TBC1D13: variants seen among roughly 807,000 people sequenced by gnomAD.
TBC1D13 encodes epididymis secretory sperm binding protein.
Under a neutral mutation model 53.6 loss-of-function variants are expected in TBC1D13, and 40 were observed. That is an observed-to-expected ratio of 0.75 (90% CI 0.58 to 0.97). The LOEUF (loss-of-function observed/expected upper bound fraction) is 0.97. TBC1D13 is among the 50% of genes least tolerant of loss of function. The pLI is 0.00. For missense variants in TBC1D13, 377 were observed against 499.4 expected (o/e 0.75, Z 2.34); for synonymous variants, 182 against 197.7 (o/e 0.92, Z 0.67).
At position 128,787,274 on chromosome 9, in the gene TBC1D13, G is replaced by C. The variant is rs371348955; in HGVS notation, c.-80G>C. ...TTTTGCGCAGAGCCCCGCGTCCCTG[G>C]GGGGCGGCGGCGGCGGCGGCAGCGC... On this transcript the variant is annotated 5_prime_UTR_variant, in exon 1 of 12. Transcript: ENST00000372648. 1.4e-5 allele frequency: 17 copies of C among 1,240,722 alleles called. No homozygotes were observed. In the African/African-American group the frequency reaches 1.4e-4, roughly 10 times the overall value. 76.9% of individuals were successfully genotyped at this position (1,240,722 alleles called of 1,614,324 possible). A position where few individuals can be genotyped will look rare whatever the true frequency, so the allele number is the denominator to read the frequency against.
At chr9:128,792,018 C>G (rs1308375146) in intron 5 of TBC1D13, among the ~76,000 whole-genome samples, 2 of 152,184 alleles carry the variant, frequency 1.3e-5, no homozygotes, top group South Asian at 4.1e-4. Flanking sequence ...GCCAGGAAGC[C>G]TTGTTCTCCT....
Position 128,797,648 on chromosome 9 carries a change from C to A in TBC1D13, c.543+434C>A, listed in dbSNP as rs528946501. ...TGAAACCCTGTCTTTACAAAAAATA[C>A]AAAAATTAGCTGGGCATGATGGCAT... is the stretch of plus-strand genomic sequence containing the variant. On this transcript the variant is annotated intron_variant, in intron 7 of 11. Coordinates refer to ENST00000372648, the MANE Select transcript of TBC1D13 (RefSeq NM_018201.5). Among the ~76,000 whole-genome samples the A allele has an allele frequency of 2.3e-3, 349 of 151,936 alleles. 3 individuals carry two copies. Among genetic ancestry groups the A allele is most frequent in the Non-Finnish European group, 2.1e-4 (14 of 67,968 alleles).
At chr9:128,805,505 G>GT (rs1829814817) in intron 9 of TBC1D13, among the ~76,000 whole-genome samples, 1 of 152,226 alleles carries the variant, frequency 6.6e-6, no homozygotes, top group Non-Finnish European at 1.5e-5. Context: ...CAGGCTTTTA[G>GT]TAAGTGCCCT....
rs1829532421 is a variant in TBC1D13, at chr9:128,791,524, G to A, written c.201-70G>A. The stretch of plus-strand genomic sequence containing the variant: ...CCGCTGGGGCCGCCCTGCCTCCTGC[G>A]GCTGCTGCTCTGCTCTGGGCTCCCT... On this transcript the variant is annotated intron_variant, in intron 4 of 11. Transcript: ENST00000372648. 1.1e-5 allele frequency: 17 copies of A among 1,608,946 alleles called. 1 individual carries two copies. Among genetic ancestry groups the A allele is most frequent in the East Asian group, 4.5e-5 (2 of 44,852 alleles).
At position 128,788,320 on chromosome 9, in the gene TBC1D13, A is replaced by G. The variant is rs541709488; in HGVS notation, c.24-14A>G. The G allele has an allele frequency of 1.5e-5, 24 of 1,613,660 alleles. No homozygotes were observed. The highest frequency in any genetic ancestry group is 4.0e-5 in the African/African-American group (3 of 74,888). ...ATCAGCATGCTTCATTTGCCGCCCTATCTCCCCTTCCAGAATTGCAGATTT... is the reference window on the plus strand; with the variant it reads ...ATCAGCATGCTTCATTTGCCGCCCTGTCTCCCCTTCCAGAATTGCAGATTT... On this transcript the variant is annotated splice_polypyrimidine_tract_variant and intron_variant, in intron 1 of 11. Coordinates refer to ENST00000372648, the MANE Select transcript of TBC1D13 (RefSeq NM_018201.5).
chr9:128,800,888 G>A (rs1829720996), intron 7 of TBC1D13, among the ~76,000 whole-genome samples: 1 of 152,120 alleles, frequency 6.6e-6, no homozygotes, highest in Non-Finnish European at 1.5e-5. Flanking sequence ...TCAGCCAAGT[G>A]CGGTGGCTCA....
chr9:128,787,394 C>T lies in TBC1D13; in HGVS notation c.23+18C>T, dbSNP rs1829440309. 1 of 1,257,316 alleles carries T rather than the reference C, an allele frequency of 8.0e-7. No individual in the cohort carries two copies. Among genetic ancestry groups the T allele is most frequent in the Non-Finnish European group, 1.0e-6 (1 of 993,070 alleles). The allele number at this position is 1,257,316 out of a possible 1,614,324, so 77.9% of individuals were successfully genotyped here. ...AAGAGCCGGTAAGGGGCCATGGGGC[C>T]TGACCCGGCTGGGCCACTCCTGGCC... On this transcript the variant is annotated intron_variant, in intron 1 of 11. Coordinates refer to ENST00000372648, the MANE Select transcript of TBC1D13 (RefSeq NM_018201.5).
intron 7 of TBC1D13, 85 bp from the exon 8 acceptor site, chr9:128,803,165 A>T: frequency 1.6e-6 from 2 of 1,273,554 alleles, no homozygotes; most frequent in East Asian, 4.7e-5. Flanking sequence ...CTCCCACCTC[A>T]GCCTCCCAAA....
At position 128,803,420 on chromosome 9, in the gene TBC1D13, C is replaced by G; in HGVS notation, c.714C>G (p.Leu238=). 1.2e-6 allele frequency: 2 copies of G among 1,614,184 alleles called. No individual in the cohort carries two copies. The highest frequency in any genetic ancestry group is 1.7e-6 in the Non-Finnish European group (2 of 1,180,038). The part of the protein sequence containing the change: ...VQGMNEIVGP[L]YYTFATDPNS... ...GCATGAATGAAATCGTGGGGCCCCT[C>G]TACTACACCTTTGCCACCGACCCCA... Residue 238 remains leucine (L), a synonymous_variant, in exon 8 of 12, where the codon CTC becomes CTG. Coordinates refer to ENST00000372648, the MANE Select transcript of TBC1D13 (RefSeq NM_018201.5).
intron 6 of TBC1D13, among the ~76,000 whole-genome samples, chr9:128,794,420 C>T (rs907124401): frequency 2.0e-5 from 3 of 152,174 alleles, no homozygotes; most frequent in African/African-American, 7.2e-5. Context: ...TCAAGAACCA[C>T]TCCGTGACCT....
At chr9:128,795,526 T>G (rs1451414049) in intron 6 of TBC1D13, among the ~76,000 whole-genome samples, 1 of 121,280 alleles carries the variant, frequency 8.2e-6, no homozygotes, top group Non-Finnish European at 1.6e-5. Flanking sequence ...GGTGGCACGA[T>G]CTTGGCTCAC....
rs1829875315 is a variant in TBC1D13 at position 128,808,240 on chromosome 9, C to T, written c.*361C>T. 1 of 295,330 alleles carries T rather than the reference C, an allele frequency of 3.4e-6. No homozygotes were observed. The highest frequency in any genetic ancestry group is 6.7e-6 in the Non-Finnish European group (1 of 149,342). The allele number at this position is 295,330 out of a possible 1,614,324, so 18.3% of individuals were successfully genotyped here. ...GCTTCTGGTCTTCTCCTGGGCTCCACTCAGGGGAGGTGCTTGGCCAATGGG... is the reference window on the plus strand; with the variant it reads ...GCTTCTGGTCTTCTCCTGGGCTCCATTCAGGGGAGGTGCTTGGCCAATGGG... On this transcript the variant is annotated 3_prime_UTR_variant, in exon 12 of 12. Coordinates refer to ENST00000372648, the MANE Select transcript of TBC1D13 (RefSeq NM_018201.5).
chr9:128,809,477 G>A lies in TBC1D13; in HGVS notation c.*1598G>A, dbSNP rs2417128. The stretch of plus-strand genomic sequence containing the variant: ...CCTTCCAAGCCCGGCTTTGGGCCAG[G>A]AAAGGCTTCCCCAGGTGGCTCTTCT... On this transcript the variant is annotated 3_prime_UTR_variant, in exon 12 of 12. Transcript: ENST00000372648. 0.59 allele frequency: 89,831 copies of A among 152,132 alleles called. 29,500 individuals are homozygous for A. Among genetic ancestry groups the A allele is most frequent in the Non-Finnish European group, 0.72 (48,893 of 67,996 alleles). The allele number at this position is 152,132 out of a possible 1,614,324, so 9.4% of individuals were successfully genotyped here. A position where few individuals can be genotyped will look rare whatever the true frequency, so the allele number is the denominator to read the frequency against.
In TBC1D13 at chr9:128,788,291, C is replaced by T. The variant is rs776232727; in HGVS notation, c.24-43C>T. The T allele has an allele frequency of 5.7e-6, 9 of 1,580,386 alleles. No homozygotes were observed. In the Admixed American group the frequency reaches 1.3e-4, roughly 23 times the overall value. On this transcript the variant is annotated intron_variant, in intron 1 of 11. Transcript: ENST00000372648. ...CTGAGGGCTGTGGGTCTCACTGAGC[C>T]GATATCAGCATGCTTCATTTGCCGC...
chr9:128,805,701 C>A (rs1331295461), intron 9 of TBC1D13, among the ~76,000 whole-genome samples, 158 bp from the exon 10 acceptor site: 1 of 152,226 alleles, frequency 6.6e-6, no homozygotes, highest in Non-Finnish European at 1.5e-5. Flanking sequence ...GCCCCTTTAC[C>A]AGGCAAGGCT....
intron 6 of TBC1D13, among the ~76,000 whole-genome samples, chr9:128,794,951 T>A (rs1432584814): frequency 6.6e-6 from 1 of 151,794 alleles, no homozygotes; most frequent in Non-Finnish European, 1.5e-5. Flanking sequence ...GTCTTGGACA[T>A]CTTTCCAGTT....
chr9:128,797,048 T>G lies in TBC1D13; in HGVS notation c.384-7T>G. The G allele has an allele frequency of 6.2e-7, 1 of 1,613,958 alleles. No individual in the cohort carries two copies. The highest frequency in any genetic ancestry group is 8.5e-7 in the Non-Finnish European group (1 of 1,179,902). On this transcript the variant is annotated splice_polypyrimidine_tract_variant and splice_region_variant and intron_variant, in intron 6 of 11. Coordinates refer to ENST00000372648, the MANE Select transcript of TBC1D13 (RefSeq NM_018201.5). ...TAACAAGATTATTTCCTGTTCCCTC[T>G]TGACAGGAGGTTGTGCCCAGACATT...
chr9:128,808,063 C>A lies in TBC1D13; in HGVS notation c.*184C>A. 1 of 625,280 alleles carries A rather than the reference C, an allele frequency of 1.6e-6. No individual in the cohort carries two copies. The highest frequency in any genetic ancestry group is 2.9e-6 in the Non-Finnish European group (1 of 345,392). 38.7% of individuals were successfully genotyped at this position (625,280 alleles called of 1,614,324 possible). On this transcript the variant is annotated 3_prime_UTR_variant, in exon 12 of 12. Coordinates refer to ENST00000372648, the MANE Select transcript of TBC1D13 (RefSeq NM_018201.5). The stretch of plus-strand genomic sequence containing the variant: ...CCTTCTGCCGCCACGCCCAGCTCCC[C>A]ACCTGCCCTGCACTCTGCCCTCTTT...
Position 128,810,243 on chromosome 9 carries a change from CT to C in TBC1D13, c.*2365del. The stretch of plus-strand genomic sequence containing the variant: ...GGAGGTCCCCACAGAGCCAGAGTGC[CT>C]GAGGCTTCCTGCTTGAGAACCTGCC... On this transcript the variant is annotated 3_prime_UTR_variant, in exon 12 of 12. Coordinates refer to ENST00000372648, the MANE Select transcript of TBC1D13 (RefSeq NM_018201.5). 1 of 152,326 alleles carries C rather than the reference CT, an allele frequency of 6.6e-6. No individual in the cohort carries two copies. Among genetic ancestry groups the C allele is most frequent in the East Asian group, 1.9e-4 (1 of 5,180 alleles). The allele number at this position is 152,326 out of a possible 1,614,324, so 9.4% of individuals were successfully genotyped here.
Sources: allele counts gnomAD v4.1 joint callset (sites outside exome capture counted in the v4.1 genomes callset), GRCh38; gene constraint gnomAD v4.1.1; transcripts MANE v1.5; gene names NCBI Gene and HGNC (gene_info 2026-07-23, HGNC 2026-07-21).